NR3C1: variants seen among roughly 807,000 people sequenced by gnomAD.
NR3C1 encodes the protein nuclear receptor subfamily 3 group C member 1.
A neutral mutation model predicts 74.0 loss-of-function variants in NR3C1; 14 were observed. The observed-to-expected ratio is 0.19, with a 90% confidence interval of 0.12 to 0.30. NR3C1 has a LOEUF of 0.30. Ranked by LOEUF, NR3C1 falls within the 10% of genes least tolerant of loss-of-function variation. The pLI, the probability that NR3C1 is intolerant of heterozygous loss-of-function variation, is 1.00. For missense variants in NR3C1, 695 were observed against 909.8 expected (o/e 0.76, Z 3.04); for synonymous variants, 308 against 332.5 (o/e 0.93, Z 0.80).
At chr5:143,389,481 T>G (rs1351549263) in intron 2 of NR3C1, among the ~76,000 whole-genome samples, 1 of 152,302 alleles carries the variant, frequency 6.6e-6, no homozygotes, top group East Asian at 1.9e-4. Flanking sequence ...GGCACCAGAA[T>G]TGAAGTTTAG....
rs1832600056 is a variant in NR3C1 at position 143,363,219 on chromosome 5, C to CAATCTTCAA, written c.1184+36428_1184+36436dup. 5.9e-5 allele frequency among the ~76,000 whole-genome samples: 9 copies of CAATCTTCAA among 152,134 alleles called. No individual in the cohort carries two copies. The South Asian group carries it at 1.7e-3, about 28-fold the overall frequency. On this transcript the variant is annotated intron_variant, in intron 2 of 8. Coordinates refer to ENST00000394464, the MANE Select transcript of NR3C1 (RefSeq NM_000176.3). ...ACAAACAGAGACTTCAGGGTGCCCA[C>CAATCTTCAA]AATCTTCAAAGAATATAAAATTTAC...
intron 2 of NR3C1, among the ~76,000 whole-genome samples, chr5:143,345,855 T>G (rs567522493): frequency 1.1e-4 from 16 of 152,364 alleles, no homozygotes; most frequent in African/African-American, 3.1e-4. Context: ...GTGATGTTTT[T>G]GTGACCAGAA....
At chr5:143,310,272 G>T in intron 3 of NR3C1, 59 bp from the exon 4 acceptor site, 3 of 1,195,530 alleles carry the variant, frequency 2.5e-6, no homozygotes, top group Non-Finnish European at 2.5e-6. Flanking sequence ...ATTTTATAAG[G>T]ACAGCCTCTG....
chr5:143,425,343 A>C (rs1378544397), intron 1 of NR3C1, among the ~76,000 whole-genome samples: 1 of 152,190 alleles, frequency 6.6e-6, no homozygotes, highest in African/African-American at 2.4e-5. Flanking sequence ...ACAAGAAAAA[A>C]ATAGTCAAAC....
chr5:143,374,355 G>A (rs972559680), intron 2 of NR3C1, among the ~76,000 whole-genome samples: 3 of 152,090 alleles, frequency 2.0e-5, no homozygotes, highest in Non-Finnish European at 2.9e-5. Context: ...AGCCGGGCGC[G>A]GTGGCAGGCC....
rs1360270438 is a variant in NR3C1, at chr5:143,322,977, A to G, written c.1185-8809T>C. Among the ~76,000 whole-genome samples the G allele has an allele frequency of 2.6e-5, 4 of 152,360 alleles. No homozygotes were observed. In the East Asian group the frequency reaches 7.7e-4, roughly 29 times the overall value. ...AATTTAAAGGAATAATCTTAGGTAC[A>G]GGACTCCCCACTTATCTGTGGTTTC... On this transcript the variant is annotated intron_variant, in intron 2 of 8. Transcript: ENST00000394464.
intron 2 of NR3C1, among the ~76,000 whole-genome samples, chr5:143,373,587 T>C (rs1425035941): frequency 1.3e-5 from 2 of 152,000 alleles, no homozygotes; most frequent in South Asian, 4.1e-4. Context: ...GTTGTGCACA[T>C]GTACCCTAGA....
chr5:143,416,634 C>T (rs1841485263), intron 1 of NR3C1, among the ~76,000 whole-genome samples: 2 of 152,114 alleles, frequency 1.3e-5, no homozygotes, highest in Admixed American at 1.3e-4. Flanking sequence ...CTAACACTTG[C>T]ATCAGAAAGG....
chr5:143,351,501 G>C (rs1407564232), intron 2 of NR3C1, among the ~76,000 whole-genome samples: 4 of 152,098 alleles, frequency 2.6e-5, no homozygotes, highest in Admixed American at 2.0e-4. Context: ...GATGTGTCCA[G>C]GGCTCTCTTC....
chr5:143,283,282 C>A (rs979771646), intron 7 of NR3C1, among the ~76,000 whole-genome samples: 2 of 152,204 alleles, frequency 1.3e-5, no homozygotes, highest in African/African-American at 4.8e-5. Flanking sequence ...ATTAATTAAA[C>A]TACAGCCAAG....
intron 8 of NR3C1, 123 bp downstream of exon 8, chr5:143,282,445 A>G: frequency 9.2e-7 from 1 of 1,091,974 alleles, no homozygotes; most frequent in South Asian, 1.4e-5. Flanking sequence ...AACTCAAGCT[A>G]TCACCAACAT....
chr5:143,407,475 C>T (rs564558404), upstream of NR3C1: 1 of 152,250 alleles, frequency 6.6e-6, no homozygotes. Flanking sequence ...AATGATAGTT[C>T]ATTATTTGTG....
chr5:143,403,908 C>T (rs1454008574), upstream of NR3C1: 46 of 983,004 alleles, frequency 4.7e-5, no homozygotes, highest in Non-Finnish European at 5.2e-5. Context: ...GTGGCCGCCC[C>T]GCCCGGTGCG....
intron 2 of NR3C1, among the ~76,000 whole-genome samples, chr5:143,362,054 G>A (rs1832351018): frequency 6.6e-6 from 1 of 152,026 alleles, no homozygotes; most frequent in Non-Finnish European, 1.5e-5. Context: ...AAAACTGGTG[G>A]AAAAAAGAAC....
chr5:143,324,839 T>A (rs958051811), intron 2 of NR3C1, among the ~76,000 whole-genome samples: 4 of 152,162 alleles, frequency 2.6e-5, no homozygotes, highest in Non-Finnish European at 5.9e-5. Context: ...AGTTCAAAGT[T>A]CCACAAATCT....
chr5:143,403,904 GC>G, upstream of NR3C1: 1 of 982,198 alleles, frequency 1.0e-6, no homozygotes, highest in Non-Finnish European at 1.2e-6. Context: ...TGGCGTGGCC[GC>G]CCCGCCCGGT....
intron 1 of NR3C1, 70 bp from the exon 2 acceptor site, chr5:143,400,922 G>C (rs964986586): frequency 2.6e-6 from 3 of 1,169,520 alleles, no homozygotes; most frequent in Admixed American, 1.9e-5. Context: ...TTCCTGATCC[G>C]ATTAGTAAGA....
intron 4 of NR3C1, among the ~76,000 whole-genome samples, chr5:143,307,446 T>C (rs1280643534): frequency 6.6e-6 from 1 of 152,166 alleles, no homozygotes; most frequent in East Asian, 1.9e-4. Context: ...TTTTTTCTTT[T>C]GATGAAAGAA....
intron 2 of NR3C1, among the ~76,000 whole-genome samples, chr5:143,353,190 C>T (rs761052358): frequency 6.6e-6 from 1 of 152,126 alleles, no homozygotes; most frequent in Non-Finnish European, 1.5e-5. Context: ...GCAGCAATTC[C>T]GTCACATTTT....
Sources: allele counts gnomAD v4.1 joint callset (sites outside exome capture counted in the v4.1 genomes callset), GRCh38; gene constraint gnomAD v4.1.1; transcripts MANE v1.5; gene names NCBI Gene and HGNC (gene_info 2026-07-23, HGNC 2026-07-21).